GABRA3: variants seen among roughly 807,000 people sequenced by gnomAD.
GABRA3 encodes gamma-aminobutyric acid receptor subunit alpha-3.
A neutral mutation model predicts 30.1 loss-of-function variants in GABRA3; 10 were observed. The ratio of observed to expected loss-of-function variants is 0.33; its 90% CI spans 0.20 to 0.56. The LOEUF (loss-of-function observed/expected upper bound fraction) is 0.56. GABRA3 is among the 20% of genes least tolerant of loss of function. The pLI is 0.89. For missense variants in GABRA3, 233 were observed against 392.0 expected, an observed-to-expected ratio of 0.59 and a Z score of 3.42; for synonymous variants, 151 against 146.8, an observed-to-expected ratio of 1.03 and a Z score of -0.21.
chrX:152,280,312 A>G (rs1233762969), intron 4 of GABRA3, among the ~76,000 whole-genome samples: 1 of 111,593 alleles, frequency 9.0e-6, no homozygotes, highest in Non-Finnish European at 1.9e-5. Context: ...GCAATGCCAT[A>G]TCCTGTGGAA....
At chrX:152,347,160 T>C (rs1056822078) in intron 2 of GABRA3, among the ~76,000 whole-genome samples, 3 of 111,876 alleles carry the variant, frequency 2.7e-5, no homozygotes, top group Non-Finnish European at 5.6e-5. Flanking sequence ...TATTCAGTCA[T>C]AAAAATAATG....
chrX:152,255,095 A>T, intron 5 of GABRA3, among the ~76,000 whole-genome samples: 1 of 111,335 alleles, frequency 9.0e-6, no homozygotes, highest in East Asian at 2.8e-4. Flanking sequence ...TATGAAATAT[A>T]ATTTATATTT....
chrX:152,212,112 G>A (rs1374427875), intron 6 of GABRA3, among the ~76,000 whole-genome samples: 1 of 100,158 alleles, frequency 1.0e-5, no homozygotes, highest in African/African-American at 4.0e-5. Context: ...GAAGGAAACC[G>A]TCTCTGCAAA....
chrX:152,275,219 T>C (rs1246899451), intron 4 of GABRA3, among the ~76,000 whole-genome samples: 1 of 71,806 alleles, frequency 1.4e-5, no homozygotes, highest in Admixed American at 2.4e-4. Context: ...TAATATTATA[T>C]ATATATAATT....
At chrX:152,286,974 G>C (rs1939307841) in intron 3 of GABRA3, among the ~76,000 whole-genome samples, 1 of 111,299 alleles carries the variant, frequency 9.0e-6, no homozygotes, top group South Asian at 3.8e-4. Context: ...CCCAGAATAT[G>C]CTCCCTTAAG....
At chrX:152,364,335 G>A in intron 2 of GABRA3, 96 bp downstream of exon 2, 2 of 809,664 alleles carry the variant, frequency 2.5e-6, no homozygotes, top group Non-Finnish European at 3.6e-6. Context: ...AGAGACCAGA[G>A]TACTTGGGTT....
intron 4 of GABRA3, among the ~76,000 whole-genome samples, chrX:152,256,228 A>C (rs57800053): frequency 0.22 from 24,564 of 110,219 alleles, 2,729 homozygotes; most frequent in African/African-American, 0.43. Flanking sequence ...TAAGGAAGAC[A>C]ACTGCCAACA....
At chrX:152,282,295 T>C (rs1282584396) in intron 4 of GABRA3, among the ~76,000 whole-genome samples, 1 of 111,653 alleles carries the variant, frequency 9.0e-6, no homozygotes, top group East Asian at 2.8e-4. Flanking sequence ...CCAAGTAGTC[T>C]GTGGTCTCAG....
At chrX:152,257,937 T>G (rs1448916747) in intron 4 of GABRA3, among the ~76,000 whole-genome samples, 1 of 111,879 alleles carries the variant, frequency 8.9e-6, no homozygotes, top group African/African-American at 3.3e-5. Context: ...CAAAAATTGG[T>G]CTTAAGCTGG....
chrX:152,362,510 G>A (rs1928537138), intron 2 of GABRA3, among the ~76,000 whole-genome samples: 1 of 111,169 alleles, frequency 9.0e-6, no homozygotes. Context: ...CTTATTGTAG[G>A]GACAACAGAA....
intron 5 of GABRA3, among the ~76,000 whole-genome samples, chrX:152,237,280 A>G (rs1268267735): frequency 9.1e-6 from 1 of 109,517 alleles, no homozygotes; most frequent in Admixed American, 9.8e-5. Context: ...TGTTTTTCTC[A>G]GGTTTGTCAA....
Position 152,380,884 on chromosome X carries a change from G to A in GABRA3, c.-26-16288C>T, listed in dbSNP as rs1052847866. On this transcript the variant is annotated intron_variant, in intron 1 of 9. Transcript: ENST00000370314. Reference sequence around the variant, plus strand: ...TCTGATGCCCAGTGTGGCAGTGTTGGGAGGTGGGGTCTAGTGAAAGATGTT... The same window carrying A: ...TCTGATGCCCAGTGTGGCAGTGTTGAGAGGTGGGGTCTAGTGAAAGATGTT... Among the ~76,000 whole-genome samples, 4 of 111,803 alleles carry A rather than the reference G, an allele frequency of 3.6e-5. No homozygotes were observed. The East Asian group carries it at 1.1e-3, about 31-fold the overall frequency.
chrX:152,362,571 G>GA (rs1252756061), intron 2 of GABRA3, among the ~76,000 whole-genome samples: 6 of 111,579 alleles, frequency 5.4e-5, no homozygotes, highest in Non-Finnish European at 9.4e-5. Flanking sequence ...ATGCATTACA[G>GA]AAAAAAATAG....
chrX:152,415,271 A>G (rs35292052), intron 1 of GABRA3, among the ~76,000 whole-genome samples: 4 of 111,663 alleles, frequency 3.6e-5, no homozygotes, highest in Non-Finnish European at 7.6e-5. Context: ...AAAAGAATAT[A>G]TAGGAACTCT....
At chrX:152,195,963 C>G (rs1937379461) in intron 8 of GABRA3, among the ~76,000 whole-genome samples, 2 of 111,186 alleles carry the variant, frequency 1.8e-5, no homozygotes, top group South Asian at 7.6e-4. Flanking sequence ...AGGAGTCCAT[C>G]TGCTTATCTT....
chrX:152,213,841 C>T (rs970752066), intron 6 of GABRA3, among the ~76,000 whole-genome samples: 12 of 111,843 alleles, frequency 1.1e-4, no homozygotes, highest in African/African-American at 3.6e-4. Flanking sequence ...AGAGACTGTC[C>T]TTCCCTTAAT....
At chrX:152,300,413 A>G (rs1418843415) in intron 3 of GABRA3, among the ~76,000 whole-genome samples, 1 of 111,209 alleles carries the variant, frequency 9.0e-6, no homozygotes, top group East Asian at 2.8e-4. Context: ...AAACAAATGA[A>G]AAAAAAAATC....
intron 1 of GABRA3, among the ~76,000 whole-genome samples, chrX:152,384,784 T>C (rs1019907382): frequency 8.9e-6 from 1 of 111,980 alleles, no homozygotes; most frequent in Non-Finnish European, 1.9e-5. Flanking sequence ...CTCTGTTCAT[T>C]AAAAGATGCA....
Position 152,409,133 on chromosome X carries a change from G to A in GABRA3, c.-27+42013C>T, listed in dbSNP as rs150645093. Among the ~76,000 whole-genome samples the A allele has an allele frequency of 4.1e-3, 456 of 111,362 alleles. 1 individual carries two copies. Among genetic ancestry groups the A allele is most frequent in the African/African-American group, 0.014 (416 of 30,636 alleles). ...TTTGGGAAGCTGAGGCAGGAAGATC[G>A]CTTGAGGCCTGGAGTTTGAGACCAG... On this transcript the variant is annotated intron_variant, in intron 1 of 9. Coordinates refer to ENST00000370314, the MANE Select transcript of GABRA3 (RefSeq NM_000808.4).
Sources: allele counts gnomAD v4.1 joint callset (sites outside exome capture counted in the v4.1 genomes callset), GRCh38; gene constraint gnomAD v4.1.1; transcripts MANE v1.5; gene names NCBI Gene and HGNC (gene_info 2026-07-23, HGNC 2026-07-21).